The following NBN variants were observed in gnomAD, a reference collection of about 807,000 sequenced individuals.
NBN encodes nibrin, also known as Nijmegen breakage syndrome 1 (nibrin).
A neutral mutation model predicts 90.8 loss-of-function variants in NBN; 88 were observed. That is an observed-to-expected ratio of 0.97 (90% CI 0.82 to 1.16). The LOEUF (loss-of-function observed/expected upper bound fraction) is 1.16. NBN is among the 50% of genes most tolerant of loss of function. NBN has a pLI of 0.00. For synonymous variants in NBN, 328 were observed against 295.1 expected, an observed-to-expected ratio of 1.11 and a Z score of -1.14; for missense variants, 894 against 869.6, an observed-to-expected ratio of 1.03 and a Z score of -0.35.
rs531365098 is a variant in NBN, at chr8:89,969,824, C to T, written c.896+540G>A. Among the ~76,000 whole-genome samples, 8 of 150,990 alleles carry T rather than the reference C, an allele frequency of 5.3e-5. No individual in the cohort carries two copies. In the South Asian group the frequency reaches 1.7e-3, roughly 32 times the overall value. On this transcript the variant is annotated intron_variant, in intron 7 of 15. Coordinates refer to ENST00000265433, the MANE Select transcript of NBN (RefSeq NM_002485.5). Reference sequence around the variant, plus strand: ...AAAATTAGCTGGGTGTGGTGGTGCACACCTGTAGTCCCAGCTACTAGAGTG... The same window carrying T: ...AAAATTAGCTGGGTGTGGTGGTGCATACCTGTAGTCCCAGCTACTAGAGTG...
In NBN at chr8:89,955,619, A is replaced by G. The variant is rs1451401504; in HGVS notation, c.1125-64T>C. The stretch of plus-strand genomic sequence containing the variant: ...TTTACAGCAACTTTAATAGAGAAAC[A>G]AAGATCGTTAAATAGTTCTAACGTA... On this transcript the variant is annotated intron_variant, in intron 9 of 15. Transcript: ENST00000265433. The G allele has an allele frequency of 2.0e-6, 3 of 1,507,506 alleles. No individual in the cohort carries two copies. In the African/African-American group the frequency reaches 4.2e-5, roughly 21 times the overall value. 93.4% of individuals were successfully genotyped at this position (1,507,506 alleles called of 1,614,324 possible). A position where few individuals can be genotyped will look rare whatever the true frequency, so the allele number is the denominator to read the frequency against.
chr8:89,966,928 CAAAAG>C (rs1811280584), intron 7 of NBN, among the ~76,000 whole-genome samples: 1 of 152,146 alleles, frequency 6.6e-6, no homozygotes, highest in South Asian at 2.1e-4. Flanking sequence ...ATGTCAAAAA[CAAAAG>C]ATGGTATCAA....
chr8:89,980,691 C>T, intron 4 of NBN, 43 bp downstream of exon 4: 1 of 1,540,740 alleles, frequency 6.5e-7, no homozygotes, highest in Non-Finnish European at 9.0e-7. Context: ...AGCTTAAATT[C>T]AAATAACTTA....
intron 2 of NBN, chr8:89,981,907 T>C: frequency 4.6e-6 from 4 of 863,900 alleles, no homozygotes; most frequent in South Asian, 1.9e-5. Context: ...TTGTAAAAAT[T>C]AGTCCCATGA....
intron 14 of NBN, among the ~76,000 whole-genome samples, chr8:89,942,129 A>G (rs1215044670): frequency 6.6e-6 from 1 of 152,162 alleles, no homozygotes; most frequent in Non-Finnish European, 1.5e-5. Flanking sequence ...CCAGCACTAA[A>G]AGAAGAAAGA....
At chr8:89,961,013 T>C (rs990305211) in intron 8 of NBN, among the ~76,000 whole-genome samples, 1 of 152,224 alleles carries the variant, frequency 6.6e-6, no homozygotes. Context: ...TACAGTGTAC[T>C]TTTTAATTCA....
chr8:89,939,784 G>A (rs1809857517), intron 14 of NBN, among the ~76,000 whole-genome samples: 4 of 152,220 alleles, frequency 2.6e-5, no homozygotes, highest in Admixed American at 2.6e-4. Context: ...AAGAAGCAGG[G>A]CTGACACTGA....
At chr8:89,950,742 A>C (rs1810407426) in intron 11 of NBN, among the ~76,000 whole-genome samples, 1 of 107,584 alleles carries the variant, frequency 9.3e-6, no homozygotes, top group Non-Finnish European at 1.7e-5. Flanking sequence ...TACATATTAA[A>C]TGAAAGTTTC....
intron 8 of NBN, among the ~76,000 whole-genome samples, chr8:89,959,251 A>G (rs1805819): frequency 0.028 from 4,331 of 152,340 alleles, 183 homozygotes; most frequent in African/African-American, 0.096. Context: ...TTTCATAAGG[A>G]ATACATTATT....
At chr8:89,943,153 C>T in intron 14 of NBN, 100 bp downstream of exon 14, 1 of 1,240,418 alleles carries the variant, frequency 8.1e-7, no homozygotes. Flanking sequence ...GACTTTATGT[C>T]ACTTATTTTA....
intron 10 of NBN, among the ~76,000 whole-genome samples, chr8:89,954,804 A>G (rs1810620478): frequency 6.6e-6 from 1 of 152,156 alleles, no homozygotes; most frequent in African/African-American, 2.4e-5. Context: ...GGACGGCACA[A>G]GAAAAAAGGC....
intron 9 of NBN, among the ~76,000 whole-genome samples, chr8:89,957,953 T>C (rs1248354076): frequency 6.6e-6 from 1 of 152,170 alleles, no homozygotes; most frequent in Non-Finnish European, 1.5e-5. Context: ...ATGAAAAAAT[T>C]ATACAACTCA....
chr8:89,983,000 T>C, intron 1 of NBN, 145 bp from the exon 2 acceptor site: 3 of 879,554 alleles, frequency 3.4e-6, no homozygotes, highest in Non-Finnish European at 5.3e-6. Flanking sequence ...TAGTCAACTT[T>C]ACATATGTCA....
At chr8:89,970,633 C>T in intron 6 of NBN, 76 bp from the exon 7 acceptor site, 1 of 1,380,846 alleles carries the variant, frequency 7.2e-7, no homozygotes, top group Non-Finnish European at 1.0e-6. Flanking sequence ...ATTTGGGAAA[C>T]ATAGAAGTAC....
chr8:89,935,677 A>G (rs1809638244), intron 15 of NBN, 65 bp from the exon 16 acceptor site: 1 of 1,582,218 alleles, frequency 6.3e-7, no homozygotes, highest in Non-Finnish European at 8.6e-7. Flanking sequence ...TTAAAGGTAA[A>G]GAACTTTCAA....
Position 89,953,700 on chromosome 8 carries a change from TAA to T in NBN, c.1398-11_1398-10del. Reference sequence around the variant, plus strand: ...TTTCTTCATCCCTTTCCCTTAGATTTAAAAAAAAAGAAGAAAACAAAACAAGA... The same window carrying T: ...TTTCTTCATCCCTTTCCCTTAGATTTAAAAAAAGAAGAAAACAAAACAAGA... On this transcript the variant is annotated splice_polypyrimidine_tract_variant and intron_variant, in intron 10 of 15. Transcript: ENST00000265433. 6.3e-7 allele frequency: 1 copy of T among 1,582,160 alleles called. No homozygotes were observed.
intron 15 of NBN, chr8:89,935,942 TAAAAGC>T (rs1809651944): frequency 1.2e-5 from 4 of 343,846 alleles, no homozygotes; most frequent in Non-Finnish European, 1.7e-5. Flanking sequence ...CTCCCCATAA[TAAAAGC>T]ATATCATTTG....
chr8:89,963,906 C>T (rs973577444), intron 8 of NBN, among the ~76,000 whole-genome samples: 2 of 152,172 alleles, frequency 1.3e-5, no homozygotes, highest in Admixed American at 6.6e-5. Context: ...CTTACACTGT[C>T]GACCCTTAGA....
intron 5 of NBN, among the ~76,000 whole-genome samples, chr8:89,971,925 C>T (rs1811541560): frequency 6.6e-6 from 1 of 152,114 alleles, no homozygotes; most frequent in African/African-American, 2.4e-5. Context: ...ATTCTTAAGC[C>T]TCTCATCAGT....
Sources: gnomAD v4.1 joint callset for allele counts (sites outside exome capture counted in the v4.1 genomes callset) on GRCh38, gnomAD v4.1.1 for gene constraint, MANE v1.5 for transcripts, NCBI Gene and HGNC (gene_info 2026-07-23, HGNC 2026-07-21) for gene names.